ZNF808: variants seen among roughly 807,000 people sequenced by gnomAD.
The protein encoded by ZNF808 is zinc finger protein 808.
In ZNF808, 5 loss-of-function variants were observed where a neutral mutation model predicts 8.7. That is an observed-to-expected ratio of 0.58 (90% CI 0.30 to 1.21). The LOEUF (loss-of-function observed/expected upper bound fraction) is 1.21, where lower values mean the gene tolerates loss of function less well. ZNF808 is among the 50% of genes most tolerant of loss of function. The pLI is 0.07. For synonymous variants in ZNF808, 380 were observed against 366.0 expected (o/e 1.04, Z -0.44); for missense variants, 1,103 against 1,098.4 (o/e 1.00, Z -0.06).
At chr19:52,550,041 T>G (rs1477265316) in intron 4 of ZNF808, among the ~76,000 whole-genome samples, 1 of 152,176 alleles carries the variant, frequency 6.6e-6, no homozygotes, top group African/African-American at 2.4e-5. Flanking sequence ...CCTTGTATTT[T>G]CTGGTCTGGT....
Position 52,554,815 on chromosome 19 carries a change from G to T in ZNF808, c.1899G>T (p.Thr633=), listed in dbSNP as rs756567475. The T allele has an allele frequency of 1.2e-6, 2 of 1,613,930 alleles. No individual in the cohort carries two copies. The highest frequency in any genetic ancestry group is 2.2e-5 in the South Asian group (2 of 91,072). The change falls in exon 5 of 5, where the codon ACG becomes ACT. Residue 633 remains threonine (T), a synonymous_variant. Coordinates refer to ENST00000359798, the MANE Select transcript of ZNF808 (RefSeq NM_001039886.4). ...YRCQVCDTAF[T]WNSQLARHTR... is the part of the protein sequence containing the mutation. The stretch of plus-strand genomic sequence containing the variant: ...GTCAGGTTTGTGACACAGCTTTCAC[G>T]TGGAATTCACAGCTGGCACGACATA...
At chr19:52,557,043 G>C (rs1030237956), downstream of ZNF808, among the ~76,000 whole-genome samples, 7 of 151,886 alleles carry the variant, frequency 4.6e-5, no homozygotes, top group African/African-American at 1.7e-4. Flanking sequence ...TGCGATCTCA[G>C]CTCTGCAACC....
rs2059830647 is a variant in ZNF808 at position 52,555,721 on chromosome 19, AT to A, written c.*94del. The A allele has an allele frequency of 2.1e-5, 32 of 1,515,286 alleles. No individual in the cohort carries two copies. Among genetic ancestry groups the A allele is most frequent in the Non-Finnish European group, 2.9e-5 (32 of 1,118,296 alleles). The allele number at this position is 1,515,286 out of a possible 1,614,324, so 93.9% of individuals were successfully genotyped here. A position where few individuals can be genotyped will look rare whatever the true frequency, so the allele number is the denominator to read the frequency against. On this transcript the variant is annotated 3_prime_UTR_variant, in exon 5 of 5. Transcript: ENST00000359798. ...AAGAGAAATCTTCTGAGTGTAATAA[AT>A]GTGGCATGTTTTTCAGACATTGTTC...
At chr19:52,534,839 C>T (rs1230079311) in intron 2 of ZNF808, among the ~76,000 whole-genome samples, 2 of 151,938 alleles carry the variant, frequency 1.3e-5, no homozygotes, top group East Asian at 1.9e-4. Flanking sequence ...CAGTGAGCCA[C>T]GATCTCGCAA....
At chr19:52,539,013 G>A (rs146974320) in intron 2 of ZNF808, among the ~76,000 whole-genome samples, 15 of 137,322 alleles carry the variant, frequency 1.1e-4, no homozygotes, top group African/African-American at 2.3e-4. Context: ...TGACTCATTC[G>A]TTGTGGATCA....
chr19:52,551,678 G>C (rs1365517634), intron 4 of ZNF808, among the ~76,000 whole-genome samples: 1 of 152,030 alleles, frequency 6.6e-6, no homozygotes, highest in Non-Finnish European at 1.5e-5. Flanking sequence ...TATGTGGTAT[G>C]CAATATAACT....
At chr19:52,548,896 T>G (rs1455504195) in intron 4 of ZNF808, among the ~76,000 whole-genome samples, 2 of 152,112 alleles carry the variant, frequency 1.3e-5, no homozygotes, top group Admixed American at 1.3e-4. Flanking sequence ...GGTGGGTGAA[T>G]CACCTGAGGT....
rs1302163580 is a variant in ZNF808, at chr19:52,555,335, G to T, written c.2419G>T (p.Ala807Ser). 3 of 1,614,074 alleles carry T rather than the reference G, an allele frequency of 1.9e-6. No individual in the cohort carries two copies. Among genetic ancestry groups the T allele is most frequent in the African/African-American group, 1.3e-5 (1 of 74,994 alleles). Residue 807 changes from alanine (A) to serine (S), a missense_variant, in exon 5 of 5, where the codon GCA becomes TCA. By Grantham distance (99) the Ala-to-Ser change is moderately conservative. Transcript: ENST00000359798. ...DKAFVRNSYL[A>S]RHIRIHTAEK... ...GGCTTTCGTGCGTAATTCATACCTG[G>T]CAAGACATATTAGAATTCACACTGC...
chr19:52,558,105 A>G (rs1600048592), downstream of ZNF808, among the ~76,000 whole-genome samples: 1 of 65,322 alleles, frequency 1.5e-5, no homozygotes, highest in Non-Finnish European at 2.8e-5. Context: ...TTTTTTTTTG[A>G]GACAGAGTCT....
chr19:52,531,345 C>T (rs781129), intron 1 of ZNF808, among the ~76,000 whole-genome samples: 32,943 of 151,176 alleles, frequency 0.22, 4,071 homozygotes, highest in East Asian at 0.5. Flanking sequence ...TGTGGTGGCG[C>T]GTGGCTGTAA....
chr19:52,541,263 T>A (rs1318667374), intron 2 of ZNF808, among the ~76,000 whole-genome samples: 2 of 151,384 alleles, frequency 1.3e-5, no homozygotes, highest in African/African-American at 4.9e-5. Context: ...TTTTTTTTTT[T>A]AAACCGTTTT....
At chr19:52,546,056 C>T (rs1469757929) in intron 3 of ZNF808, among the ~76,000 whole-genome samples, 2 of 152,140 alleles carry the variant, frequency 1.3e-5, no homozygotes, top group African/African-American at 4.8e-5. Flanking sequence ...GCACTTGTGT[C>T]CAAGTACAGA....
chr19:52,542,174 A>G (rs2059677515), intron 2 of ZNF808, among the ~76,000 whole-genome samples: 1 of 152,044 alleles, frequency 6.6e-6, no homozygotes, highest in African/African-American at 2.4e-5. Context: ...GTTCACTGCA[A>G]CTTCTGACTC....
chr19:52,554,167 T>C lies in ZNF808; in HGVS notation c.1251T>C (p.His417=). The change falls in exon 5 of 5, where the codon CAT becomes CAC. Residue 417 remains histidine (H), a synonymous_variant. Transcript: ENST00000359798. Reference sequence around the variant, plus strand: ...ATCATCAATCAAGCCTTGCACGTCATCATATACTTCATACTGGAGAGAAAC... The same window carrying C: ...ATCATCAATCAAGCCTTGCACGTCACCATATACTTCATACTGGAGAGAAAC... ...AFNHQSSLAR[H]HILHTGEKPY... is the part of the protein sequence containing the mutation. The C allele has an allele frequency of 1.9e-6, 3 of 1,614,180 alleles. No homozygotes were observed. The highest frequency in any genetic ancestry group is 2.5e-6 in the Non-Finnish European group (3 of 1,180,034).
downstream of ZNF808, among the ~76,000 whole-genome samples, chr19:52,558,986 C>T (rs1314254813): frequency 6.6e-6 from 1 of 152,226 alleles, no homozygotes; most frequent in East Asian, 1.9e-4. Flanking sequence ...ACACAGAACA[C>T]TGCGAAAGGC....
chr19:52,538,623 T>C (rs182883817), intron 2 of ZNF808, among the ~76,000 whole-genome samples: 25,900 of 117,726 alleles, frequency 0.22, 3,303 homozygotes, highest in East Asian at 0.4. Context: ...AGCGAAACTC[T>C]GTCTCAAAAA....
rs185847449 is a variant in ZNF808, at chr19:52,555,260, C to T, written c.2344C>T (p.Arg782Cys). 5.6e-6 allele frequency: 9 copies of T among 1,614,026 alleles called. No homozygotes were observed. Among genetic ancestry groups the T allele is most frequent in the South Asian group, 3.3e-5 (3 of 91,072 alleles). Residue 782 changes from arginine to cysteine, a missense_variant, in exon 5 of 5, where the codon CGT (arginine) becomes TGT (cysteine). Physicochemically the swap from Arg to Cys is radical, Grantham distance 180 (BLOSUM62 -3). Transcript: ENST00000359798. ...TCACTGGTCATCCCTTGTATACCAT[C>T]GTAGACTTCATACTGGAGAGAAATC... is the stretch of plus-strand genomic sequence containing the variant. ...FRHWSSLVYH[R>C]RLHTGEKSYK...
rs756379358 is a variant in ZNF808 at position 52,552,020 on chromosome 19, AT to A, written c.191-1072del. ...CTCAAAACAATAAAAATGGAAACAAATTTTTTTTTTTTTTTGAGATGGAGTC... is the reference window on the plus strand; with the variant it reads ...CTCAAAACAATAAAAATGGAAACAAATTTTTTTTTTTTTTGAGATGGAGTC... On this transcript the variant is annotated intron_variant, in intron 4 of 4. Transcript: ENST00000359798. Among the ~76,000 whole-genome samples, 948 of 143,992 alleles carry A rather than the reference AT, an allele frequency of 6.6e-3. 5 individuals carry two copies. Among genetic ancestry groups the A allele is most frequent in the African/African-American group, 0.016 (626 of 39,468 alleles). The allele number at this position is 143,992 out of a possible 152,430, so 94.5% of individuals were successfully genotyped here.
chr19:52,556,343 T>A (rs1353673770), downstream of ZNF808: 1 of 166,338 alleles, frequency 6.0e-6, no homozygotes, highest in Non-Finnish European at 1.3e-5. Flanking sequence ...TTATTTATTT[T>A]GAGATGGAGT....
Sources: gnomAD v4.1 joint callset for allele counts (sites outside exome capture counted in the v4.1 genomes callset) on GRCh38, gnomAD v4.1.1 for gene constraint, MANE v1.5 for transcripts, NCBI Gene and HGNC (gene_info 2026-07-23, HGNC 2026-07-21) for gene names.